The following CDC42BPA variants were observed in gnomAD, a reference collection of about 807,000 sequenced individuals.
The protein encoded by CDC42BPA is CDC42 binding protein kinase alpha, also known as serine/threonine-protein kinase MRCK alpha.
In CDC42BPA, 80 loss-of-function variants were observed where a neutral mutation model predicts 223.5. The ratio of observed to expected loss-of-function variants is 0.36; its 90% CI spans 0.30 to 0.43. CDC42BPA has a LOEUF of 0.43. Among genes scored for constraint, CDC42BPA ranks in the 20% least tolerant of loss-of-function variants. CDC42BPA has a pLI of 1.00. For missense variants in CDC42BPA, 1,743 were observed against 2,099.9 expected, an observed-to-expected ratio of 0.83 and a Z score of 3.32; for synonymous variants, 694 against 718.6, an observed-to-expected ratio of 0.97 and a Z score of 0.55.
intron 23 of CDC42BPA, among the ~76,000 whole-genome samples, chr1:227,044,573 C>G (rs2148805983): frequency 6.6e-6 from 1 of 152,252 alleles, no homozygotes; most frequent in East Asian, 1.9e-4. Flanking sequence ...CTATTTCCCT[C>G]CTTCTGTAAT....
chr1:227,087,540 G>C (rs1007641389), intron 16 of CDC42BPA, among the ~76,000 whole-genome samples: 1 of 152,076 alleles, frequency 6.6e-6, no homozygotes, highest in Non-Finnish European at 1.5e-5. Flanking sequence ...TAAGTTTAAG[G>C]GTAAGCTTGT....
rs559224055 is a variant in CDC42BPA, at chr1:227,041,338, C to A, written c.3094-1102G>T. ...TAGTAGTCCCCAGAGTCTTTTGTTG[C>A]CATCTTTATGTCCATGGGTACCCAA... On this transcript the variant is annotated intron_variant, in intron 23 of 36. Coordinates refer to ENST00000366766, the MANE Select transcript of CDC42BPA (RefSeq NM_001394014.1). Among the ~76,000 whole-genome samples, 21 of 152,148 alleles carry A rather than the reference C, an allele frequency of 1.4e-4. 1 individual carries two copies. In the East Asian group the frequency reaches 4.1e-3, roughly 29 times the overall value.
chr1:227,232,696 T>A (rs1446117106), intron 2 of CDC42BPA, among the ~76,000 whole-genome samples: 5 of 152,200 alleles, frequency 3.3e-5, no homozygotes, highest in Non-Finnish European at 7.3e-5. Context: ...ACCATTTGCC[T>A]AGGTATCACC....
chr1:227,118,750 T>C (rs1168280545), intron 12 of CDC42BPA, among the ~76,000 whole-genome samples: 1 of 152,016 alleles, frequency 6.6e-6, no homozygotes, highest in Non-Finnish European at 1.5e-5. Context: ...CCAATAAAAA[T>C]GGTAAACCAT....
intron 22 of CDC42BPA, 84 bp from the exon 23 acceptor site, chr1:227,048,094 TAAAAC>T (rs1160590980): frequency 4.0e-5 from 32 of 809,934 alleles, no homozygotes; most frequent in Non-Finnish European, 1.7e-5. Context: ...CCAAAATAAA[TAAAAC>T]AAAACATCAA....
intron 15 of CDC42BPA, among the ~76,000 whole-genome samples, chr1:227,098,770 T>C (rs1684463502): frequency 6.6e-6 from 1 of 151,836 alleles, no homozygotes; most frequent in Admixed American, 6.6e-5. Flanking sequence ...GTCTTCTAAG[T>C]GGTCTCATCA....
intron 14 of CDC42BPA, among the ~76,000 whole-genome samples, chr1:227,110,893 A>C (rs74766485): frequency 6.6e-6 from 1 of 152,222 alleles, no homozygotes; most frequent in Non-Finnish European, 1.5e-5. Context: ...CTGAAATTCA[A>C]TTGTCAGACA....
At chr1:227,051,138 T>A (rs1442348232) in intron 22 of CDC42BPA, among the ~76,000 whole-genome samples, 2 of 152,152 alleles carry the variant, frequency 1.3e-5, no homozygotes, top group African/African-American at 4.8e-5. Flanking sequence ...TTCAGACAAC[T>A]CTTCAGATTG....
chr1:227,142,965 A>G lies in CDC42BPA; in HGVS notation c.1203T>C (p.Gly401=), dbSNP rs768472652. The change falls in exon 9 of 37, where the codon GGT becomes GGC. Residue 401 remains glycine (G), a synonymous_variant. Coordinates refer to ENST00000366766, the MANE Select transcript of CDC42BPA (RefSeq NM_001394014.1). ...CTTACCAGCTACTAGTATATGTAAAACCAACAAATGGCAGATGGTGGCCAG... is the reference window on the plus strand; with the variant it reads ...CTTACCAGCTACTAGTATATGTAAAGCCAACAAATGGCAGATGGTGGCCAG... The part of the protein sequence containing the change: ...AFSGHHLPFV[G]FTYTSSCVLS... The G allele has an allele frequency of 1.3e-6, 2 of 1,549,088 alleles. No homozygotes were observed. Among genetic ancestry groups the G allele is most frequent in the Non-Finnish European group, 1.7e-6 (2 of 1,155,548 alleles).
At chr1:227,066,446 G>A (rs988371532) in intron 21 of CDC42BPA, among the ~76,000 whole-genome samples, 1 of 151,994 alleles carries the variant, frequency 6.6e-6, no homozygotes, top group Non-Finnish European at 1.5e-5. Context: ...CAGAAAAAGA[G>A]CTACAGAAGA....
chr1:227,001,726 G>A (rs896793503), intron 35 of CDC42BPA, among the ~76,000 whole-genome samples: 6 of 152,118 alleles, frequency 3.9e-5, no homozygotes, highest in Non-Finnish European at 5.9e-5. Flanking sequence ...GGCCAACATG[G>A]TGAAACCCCG....
At chr1:227,187,688 C>A (rs28878186) in intron 5 of CDC42BPA, among the ~76,000 whole-genome samples, 750 of 72,738 alleles carry the variant, frequency 0.01, 53 homozygotes, top group African/African-American at 0.041. Context: ...CACCCCCCCC[C>A]CAAAAAAAAA....
chr1:227,270,172 TA>T lies in CDC42BPA; in HGVS notation c.179-16018del, dbSNP rs1258532215. Among the ~76,000 whole-genome samples, 10 of 152,256 alleles carry T rather than the reference TA, an allele frequency of 6.6e-5. No homozygotes were observed. In the East Asian group the frequency reaches 1.9e-3, roughly 29 times the overall value. ...TAGAAACATCTCTAATGCATACTGT[TA>T]AATGAAAAAAGCAGTCACATAAACA... On this transcript the variant is annotated intron_variant, in intron 1 of 36. Transcript: ENST00000366766.
chr1:227,003,148 A>AAATG (rs2148339143), intron 35 of CDC42BPA, among the ~76,000 whole-genome samples: 1 of 152,364 alleles, frequency 6.6e-6, no homozygotes, highest in Admixed American at 6.5e-5. Flanking sequence ...TGAATGGAGG[A>AAATG]AACTCAATCT....
chr1:227,310,571 G>T (rs1693330795), intron 1 of CDC42BPA, among the ~76,000 whole-genome samples: 1 of 152,126 alleles, frequency 6.6e-6, no homozygotes, highest in African/African-American at 2.4e-5. Context: ...AGAGATGGCA[G>T]TCATAGGAAG....
intron 4 of CDC42BPA, among the ~76,000 whole-genome samples, chr1:227,195,019 T>C (rs1224401944): frequency 6.6e-6 from 1 of 152,204 alleles, no homozygotes; most frequent in East Asian, 1.9e-4. Context: ...TAAAGAGTCT[T>C]GAAAAAATTC....
At chr1:227,088,887 G>A (rs1221062742) in intron 16 of CDC42BPA, among the ~76,000 whole-genome samples, 4 of 152,030 alleles carry the variant, frequency 2.6e-5, no homozygotes, top group South Asian at 4.2e-4. Flanking sequence ...CACCGCACCC[G>A]GTTAATTTTT....
At chr1:227,307,316 T>A (rs929393536) in intron 1 of CDC42BPA, among the ~76,000 whole-genome samples, 3 of 152,216 alleles carry the variant, frequency 2.0e-5, no homozygotes, top group Non-Finnish European at 4.4e-5. Context: ...TTCAAACCTT[T>A]GCCTTTGTTT....
intron 34 of CDC42BPA, among the ~76,000 whole-genome samples, chr1:227,014,011 T>C (rs1460001635): frequency 1.3e-5 from 2 of 152,120 alleles, no homozygotes; most frequent in Non-Finnish European, 2.9e-5. Flanking sequence ...CGGTATTTTG[T>C]GCCTGACATC....
Sources: allele counts gnomAD v4.1 joint callset (sites outside exome capture counted in the v4.1 genomes callset), GRCh38; gene constraint gnomAD v4.1.1; transcripts MANE v1.5; gene names NCBI Gene and HGNC (gene_info 2026-07-23, HGNC 2026-07-21).